MEIS1: variants seen among roughly 807,000 people sequenced by gnomAD.
The protein encoded by MEIS1 is homeobox protein Meis1.
In MEIS1, 5 loss-of-function variants were observed where a neutral mutation model predicts 50.8. The observed-to-expected ratio is 0.10, with a 90% confidence interval of 0.05 to 0.21. The LOEUF (loss-of-function observed/expected upper bound fraction) is 0.21. Ranked by LOEUF, MEIS1 falls within the 10% of genes least tolerant of loss-of-function variation. The pLI, the probability that MEIS1 is intolerant of heterozygous loss-of-function variation, is 1.00. For synonymous variants in MEIS1, 176 were observed against 179.3 expected, an observed-to-expected ratio of 0.98 and a Z score of 0.15; for missense variants, 318 against 517.3, an observed-to-expected ratio of 0.61 and a Z score of 3.74.
chr2:66,567,788 G>GT, intron 10 of MEIS1: 40 of 471,832 alleles, frequency 8.5e-5, no homozygotes, highest in Non-Finnish European at 1.3e-4. Flanking sequence ...ATATATTAAT[G>GT]TTATTTTTTT....
chr2:66,549,899 C>T (rs1674878329), intron 9 of MEIS1, among the ~76,000 whole-genome samples: 1 of 152,046 alleles, frequency 6.6e-6, no homozygotes, highest in South Asian at 2.1e-4. Context: ...CCTGTGAATG[C>T]AGGAAGAGGA....
At chr2:66,448,018 T>G (rs1672193042) in intron 6 of MEIS1, among the ~76,000 whole-genome samples, 1 of 152,194 alleles carries the variant, frequency 6.6e-6, no homozygotes, top group East Asian at 1.9e-4. Flanking sequence ...CCCACCAGAA[T>G]GACTCCATTG....
intron 7 of MEIS1, among the ~76,000 whole-genome samples, chr2:66,494,618 G>A (rs1673353343): frequency 6.6e-6 from 1 of 152,190 alleles, no homozygotes; most frequent in African/African-American, 2.4e-5. Context: ...TTCGCACATG[G>A]AAAATGCACC....
intron 7 of MEIS1, among the ~76,000 whole-genome samples, chr2:66,475,273 A>G (rs139703364): frequency 0.011 from 1,525 of 145,198 alleles, 16 homozygotes; most frequent in Non-Finnish European, 0.016. Context: ...TATATAATAT[A>G]TTATATATAA....
At chr2:66,439,553 G>C in intron 2 of MEIS1, 2 of 1,514,204 alleles carry the variant, frequency 1.3e-6, no homozygotes, top group Admixed American at 2.1e-5. Flanking sequence ...TGCTGGAAAC[G>C]CTTGGGTTTT....
intron 7 of MEIS1, among the ~76,000 whole-genome samples, chr2:66,482,346 T>C (rs1184249776): frequency 6.6e-6 from 1 of 152,152 alleles, no homozygotes; most frequent in Admixed American, 6.5e-5. Context: ...GGTGTCTCTA[T>C]TTCATAGGTG....
intron 6 of MEIS1, chr2:66,443,549 G>C (rs1300510157): frequency 6.4e-6 from 1 of 157,178 alleles, no homozygotes; most frequent in Admixed American, 6.5e-5. Context: ...CGGTTCATTA[G>C]CCTGTCTTGT....
At chr2:66,549,831 G>A (rs1449267984) in intron 9 of MEIS1, among the ~76,000 whole-genome samples, 1 of 152,126 alleles carries the variant, frequency 6.6e-6, no homozygotes, top group Non-Finnish European at 1.5e-5. Flanking sequence ...AGTTACCAGA[G>A]AACAAATCCC....
At chr2:66,567,777 A>G (rs886968196) in intron 10 of MEIS1, 9 of 575,514 alleles carry the variant, frequency 1.6e-5, no homozygotes, top group Non-Finnish European at 2.7e-5. Flanking sequence ...GTACACATTC[A>G]ATATATTAAT....
At chr2:66,520,447 C>G (rs1388389232) in intron 8 of MEIS1, among the ~76,000 whole-genome samples, 1 of 151,428 alleles carries the variant, frequency 6.6e-6, no homozygotes, top group African/African-American at 2.4e-5. Flanking sequence ...GGCTACTGCA[C>G]TCCAGCCTGG....
chr2:66,556,986 A>G (rs991714577), intron 9 of MEIS1, among the ~76,000 whole-genome samples: 1 of 152,170 alleles, frequency 6.6e-6, no homozygotes, highest in Non-Finnish European at 1.5e-5. Flanking sequence ...TTGAGTGAAT[A>G]TAGTATTTAA....
intron 9 of MEIS1, among the ~76,000 whole-genome samples, chr2:66,548,691 A>G (rs186145834): frequency 6.0e-4 from 92 of 152,278 alleles, no homozygotes; most frequent in African/African-American, 2.1e-3. Context: ...ATGATTTATT[A>G]CCCTTTGTGA....
chr2:66,513,363 G>A (rs1673879077), intron 8 of MEIS1, among the ~76,000 whole-genome samples: 1 of 151,904 alleles, frequency 6.6e-6, no homozygotes, highest in Non-Finnish European at 1.5e-5. Flanking sequence ...ATCTTGCATT[G>A]TCATAAACAC....
At chr2:66,456,207 A>G (rs1672383276) in intron 6 of MEIS1, among the ~76,000 whole-genome samples, 1 of 148,552 alleles carries the variant, frequency 6.7e-6, no homozygotes, top group Admixed American at 6.7e-5. Flanking sequence ...TATACAAACT[A>G]CCCACAGTGA....
In MEIS1 at chr2:66,571,755, C is replaced by T; in HGVS notation, c.*547C>T. 1.8e-6 allele frequency: 1 copy of T among 549,162 alleles called. No individual in the cohort carries two copies. The highest frequency in any genetic ancestry group is 4.8e-4 in the Middle Eastern group (1 of 2,090). 34.0% of individuals were successfully genotyped at this position (549,162 alleles called of 1,614,324 possible). ...AACAAAGAGTGAAATATTGTAAATG[C>T]TATTATACTGTTATCCATATTACGT... On this transcript the variant is annotated 3_prime_UTR_variant, in exon 13 of 13. Coordinates refer to ENST00000272369, the MANE Select transcript of MEIS1 (RefSeq NM_002398.3).
intron 7 of MEIS1, among the ~76,000 whole-genome samples, chr2:66,484,558 T>C (rs919496386): frequency 6.6e-6 from 1 of 151,936 alleles, no homozygotes; most frequent in African/African-American, 2.4e-5. Context: ...TTCTTTCTTT[T>C]ATTTATTTAT....
chr2:66,451,590 G>A (rs995090937), intron 6 of MEIS1, among the ~76,000 whole-genome samples: 4 of 152,018 alleles, frequency 2.6e-5, no homozygotes, highest in Non-Finnish European at 4.4e-5. Context: ...ATTTGGATGT[G>A]TTTTCGAATA....
intron 7 of MEIS1, among the ~76,000 whole-genome samples, chr2:66,497,605 G>T (rs562075795): frequency 3.3e-5 from 5 of 152,098 alleles, no homozygotes; most frequent in Non-Finnish European, 5.9e-5. Flanking sequence ...GTTAAAAACT[G>T]CTGCAGAGGC....
intron 8 of MEIS1, 85 bp from the exon 9 acceptor site, chr2:66,547,858 T>C: frequency 7.6e-7 from 1 of 1,314,078 alleles, no homozygotes; most frequent in Admixed American, 1.8e-5. Flanking sequence ...TTACCTTTAA[T>C]TATAGACTTC....
Sources: allele counts gnomAD v4.1 joint callset (sites outside exome capture counted in the v4.1 genomes callset), GRCh38; gene constraint gnomAD v4.1.1; transcripts MANE v1.5; gene names NCBI Gene and HGNC (gene_info 2026-07-23, HGNC 2026-07-21).